The following PCCB variants were observed in gnomAD, a reference collection of about 807,000 sequenced individuals.
PCCB encodes propionyl-CoA carboxylase subunit beta.
In PCCB, 43 loss-of-function variants were observed where a neutral mutation model predicts 60.7. That is an observed-to-expected ratio of 0.71 (90% CI 0.55 to 0.91). The LOEUF is 0.91. PCCB is among the 40% of genes least tolerant of loss of function. The pLI is 0.00. For synonymous variants in PCCB, 276 were observed against 255.9 expected, an observed-to-expected ratio of 1.08 and a Z score of -0.75; for missense variants, 766 against 702.8, an observed-to-expected ratio of 1.09 and a Z score of -1.02.
chr3:136,273,570 TTTTC>T lies in PCCB; in HGVS notation c.544-10259_544-10256del, dbSNP rs202185172. Reference sequence around the variant, plus strand: ...TCCTTTTATTATATAATGACCTTCTTTTTCTTTCTTTTTTTTTTTCTTTTTTCTT... The same window carrying T: ...TCCTTTTATTATATAATGACCTTCTTTTTCTTTTTTTTTTTCTTTTTTCTT... On this transcript the variant is annotated intron_variant, in intron 5 of 14. Transcript: ENST00000251654. 7.6e-3 allele frequency among the ~76,000 whole-genome samples: 1,127 copies of T among 147,966 alleles called. 8 individuals are homozygous for T. Among genetic ancestry groups the T allele is most frequent in the Admixed American group, 0.013 (195 of 14,600 alleles).
chr3:136,298,594 A>G (rs1194921546), intron 8 of PCCB, among the ~76,000 whole-genome samples: 2 of 152,202 alleles, frequency 1.3e-5, no homozygotes, highest in African/African-American at 2.4e-5. Context: ...ATGTTTATGC[A>G]TACTGCTTAT....
chr3:136,253,035 T>G (rs564029513), intron 1 of PCCB, among the ~76,000 whole-genome samples: 3 of 148,988 alleles, frequency 2.0e-5, no homozygotes, highest in South Asian at 2.1e-4. Flanking sequence ...GACAGTAGGC[T>G]AGGGTATTTG....
chr3:136,269,490 AG>A (rs1269259886), intron 5 of PCCB, among the ~76,000 whole-genome samples: 1 of 152,066 alleles, frequency 6.6e-6, no homozygotes, highest in Non-Finnish European at 1.5e-5. Flanking sequence ...AAATAGAGGC[AG>A]TTTTACTTAT....
Position 136,286,784 on chromosome 3 carries a change from G to A in PCCB, c.654+2837G>A, listed in dbSNP as rs80007343. ...CTGGGAGCTGAAGGTTGCAGTGAGC[G>A]CTTTGGGAGGCTGAGGCGGGTGGAT... On this transcript the variant is annotated intron_variant, in intron 6 of 14. Coordinates refer to ENST00000251654, the MANE Select transcript of PCCB (RefSeq NM_000532.5). 1.1e-3 allele frequency among the ~76,000 whole-genome samples: 173 copies of A among 152,112 alleles called. 5 individuals carry two copies. In the East Asian group the frequency reaches 0.03, roughly 26 times the overall value.
chr3:136,301,151 C>A (rs772504477), intron 9 of PCCB, 40 bp downstream of exon 9: 1 of 1,497,312 alleles, frequency 6.7e-7, no homozygotes. Context: ...TCCTAGTCAG[C>A]CACATTCATG....
intron 3 of PCCB, among the ~76,000 whole-genome samples, 193 bp downstream of exon 3, chr3:136,256,816 T>TG (rs1023117069): frequency 1.9e-4 from 29 of 152,144 alleles, no homozygotes; most frequent in African/African-American, 4.3e-4. Flanking sequence ...TAGTCTGTTT[T>TG]GGGGGGGATC....
intron 5 of PCCB, among the ~76,000 whole-genome samples, chr3:136,281,983 G>A (rs569780580): frequency 1.3e-5 from 2 of 152,224 alleles, no homozygotes; most frequent in East Asian, 3.9e-4. Flanking sequence ...ATCCCTTGTG[G>A]CTGGGAAGCT....
At chr3:136,303,078 G>A (rs1161400038) in intron 9 of PCCB, among the ~76,000 whole-genome samples, 1 of 122,048 alleles carries the variant, frequency 8.2e-6, no homozygotes, top group Non-Finnish European at 1.8e-5. Flanking sequence ...AGACTCCATC[G>A]CCAAAAATAA....
At position 136,301,047 on chromosome 3, in the gene PCCB, A is replaced by T. The variant is rs1050703564; in HGVS notation, c.902A>T (p.Glu301Val). Residue 301 changes from glutamate (E) to valine (V), a missense_variant, in exon 9 of 15, where the codon GAG becomes GTG. Coordinates refer to ENST00000251654, the MANE Select transcript of PCCB (RefSeq NM_000532.5). ...GCCTAAAGTGACCGTCTGGTTCCTG[A>T]GCTTGACACAATTGTCCCTTTGGAA... ...CHDPSDRLVPELDTIVPLEST... is the reference protein window; with the variant it reads ...CHDPSDRLVPVLDTIVPLEST... 3 of 1,614,068 alleles carry T rather than the reference A, an allele frequency of 1.9e-6. No individual in the cohort carries two copies. The African/African-American group carries it at 4.0e-5, about 22-fold the overall frequency.
At chr3:136,274,283 T>C (rs1305560023) in intron 5 of PCCB, among the ~76,000 whole-genome samples, 2 of 152,146 alleles carry the variant, frequency 1.3e-5, no homozygotes, top group Non-Finnish European at 2.9e-5. Flanking sequence ...TGTTTCAAGA[T>C]GTAGAACTCT....
intron 5 of PCCB, 36 bp downstream of exon 5, chr3:136,262,101 G>C (rs1941843851): frequency 7.5e-7 from 1 of 1,325,450 alleles, no homozygotes; most frequent in East Asian, 2.5e-5. Flanking sequence ...AAAAAATACA[G>C]GGCTTAAGTT....
At chr3:136,295,274 A>G (rs1477352552) in intron 7 of PCCB, among the ~76,000 whole-genome samples, 5 of 152,208 alleles carry the variant, frequency 3.3e-5, no homozygotes, top group Non-Finnish European at 5.9e-5. Flanking sequence ...AATTGTCAGC[A>G]TTTCTTCCCA....
chr3:136,252,177 C>T (rs969649139), intron 1 of PCCB: 9 of 417,372 alleles, frequency 2.2e-5, no homozygotes, highest in Middle Eastern at 3.8e-4. Context: ...CCACTGCACC[C>T]GGCCCTGCAC....
At chr3:136,292,227 G>T (rs1168707336) in intron 6 of PCCB, among the ~76,000 whole-genome samples, 1 of 146,964 alleles carries the variant, frequency 6.8e-6, no homozygotes, top group East Asian at 1.9e-4. Flanking sequence ...CTGAAATTTT[G>T]TGTCTCTAGT....
chr3:136,264,310 G>C (rs1425998597), intron 5 of PCCB, among the ~76,000 whole-genome samples: 1 of 151,634 alleles, frequency 6.6e-6, no homozygotes, highest in African/African-American at 2.4e-5. Context: ...TCGATTCATC[G>C]ATGTTATTCT....
At chr3:136,282,618 T>C (rs918394807) in intron 5 of PCCB, among the ~76,000 whole-genome samples, 5 of 152,228 alleles carry the variant, frequency 3.3e-5, no homozygotes, top group African/African-American at 9.6e-5. Flanking sequence ...TTTATTGTTA[T>C]GTAATACTCA....
chr3:136,327,775 ACT>A, intron 13 of PCCB, 43 bp downstream of exon 13: 1 of 1,462,298 alleles, frequency 6.8e-7, no homozygotes, highest in Non-Finnish European at 9.6e-7. Context: ...CAAGGACTCG[ACT>A]CTACCAGCGA....
intron 5 of PCCB, among the ~76,000 whole-genome samples, chr3:136,275,456 C>A (rs537863927): frequency 6.6e-6 from 1 of 152,056 alleles, no homozygotes; most frequent in African/African-American, 2.4e-5. Flanking sequence ...TAGTTTGGAT[C>A]CATTGCTGGG....
intron 7 of PCCB, among the ~76,000 whole-genome samples, chr3:136,297,016 A>G (rs569613519): frequency 4.6e-5 from 7 of 152,348 alleles, no homozygotes; most frequent in African/African-American, 1.2e-4. Context: ...TTAGAAGGCA[A>G]TACGTGCTAT....
Sources: allele counts gnomAD v4.1 joint callset (sites outside exome capture counted in the v4.1 genomes callset), GRCh38; gene constraint gnomAD v4.1.1; transcripts MANE v1.5; gene names NCBI Gene and HGNC (gene_info 2026-07-23, HGNC 2026-07-21).